The following PXDNL variants were observed in gnomAD, a reference collection of about 807,000 sequenced individuals.
The protein encoded by PXDNL is probable oxidoreductase PXDNL.
In PXDNL, 145 loss-of-function variants were observed where a neutral mutation model predicts 150.8. That is an observed-to-expected ratio of 0.96 (90% CI 0.84 to 1.10). PXDNL has a LOEUF of 1.10. PXDNL is among the 50% of genes least tolerant of loss of function. The pLI is 0.00. For synonymous variants in PXDNL, 757 were observed against 725.7 expected, an observed-to-expected ratio of 1.04 and a Z score of -0.69; for missense variants, 2,087 against 1,873.9, an observed-to-expected ratio of 1.11 and a Z score of -2.10.
At chr8:51,599,152 C>A (rs1327182346) in intron 2 of PXDNL, among the ~76,000 whole-genome samples, 1 of 151,998 alleles carries the variant, frequency 6.6e-6, no homozygotes, top group African/African-American at 2.4e-5. Flanking sequence ...AGCTAGTGGT[C>A]TATCCATCTT....
chr8:51,408,290 G>C lies in PXDNL; in HGVS notation c.3334C>G (p.Arg1112Gly), dbSNP rs757140816. 1.2e-6 allele frequency: 2 copies of C among 1,613,906 alleles called. No homozygotes were observed. The highest frequency in any genetic ancestry group is 1.7e-5 in the Admixed American group (1 of 60,030). ...GGACTGAGAAGGTAGGAGGGTGCCC[G>C]CCATTTAGCAGCCACGCCAAACAGC... Reference protein sequence around the residue: ...RGLFGVAAKWRAPSYLLSPEL... With the variant: ...RGLFGVAAKWGAPSYLLSPEL... Residue 1112 changes from arginine to glycine, a missense_variant, in exon 17 of 23, where the codon CGG becomes GGG. Coordinates refer to ENST00000356297, the MANE Select transcript of PXDNL (RefSeq NM_144651.5).
rs554422135 is a variant in PXDNL, at chr8:51,404,895, C to T, written c.3557+3172G>A. On this transcript the variant is annotated intron_variant, in intron 17 of 22. Coordinates refer to ENST00000356297, the MANE Select transcript of PXDNL (RefSeq NM_144651.5). ...GGGGACGGTGATCGTCAGGGAGGCT[C>T]GGGCTGCACAGGAGCCCACGGCAAG... 7.9e-5 allele frequency among the ~76,000 whole-genome samples: 12 copies of T among 152,268 alleles called. No individual in the cohort carries two copies. In the South Asian group the frequency reaches 8.3e-4, roughly 11 times the overall value.
intron 17 of PXDNL, among the ~76,000 whole-genome samples, chr8:51,393,681 G>T (rs1033514751): frequency 6.6e-6 from 1 of 152,224 alleles, no homozygotes; most frequent in Non-Finnish European, 1.5e-5. Context: ...TATCAAGAGG[G>T]GAAGACCATT....
intron 5 of PXDNL, among the ~76,000 whole-genome samples, chr8:51,486,784 ATATATATATATTTTTTTTTTTTTTT>A (rs1272657090): frequency 1.3e-4 from 3 of 22,858 alleles, no homozygotes; most frequent in African/African-American, 5.4e-4. Flanking sequence ...ATATATATAT[ATATATATATATTTTTTTTTTTTTTT>A]TTTTTTTTTT....
At position 51,393,352 on chromosome 8, in the gene PXDNL, A is replaced by G. The variant is rs1303571168; in HGVS notation, c.3557+14715T>C. ...TGATGAGACACATACAATGATCGTC[A>G]TATTCGGGATGAGAAGTATGAGACT... On this transcript the variant is annotated intron_variant, in intron 17 of 22. Coordinates refer to ENST00000356297, the MANE Select transcript of PXDNL (RefSeq NM_144651.5). 3.3e-5 allele frequency among the ~76,000 whole-genome samples: 5 copies of G among 152,322 alleles called. No individual in the cohort carries two copies. In the East Asian group the frequency reaches 9.7e-4, roughly 29 times the overall value.
At chr8:51,631,216 T>C (rs1313642287) in intron 2 of PXDNL, among the ~76,000 whole-genome samples, 1 of 151,892 alleles carries the variant, frequency 6.6e-6, no homozygotes, top group African/African-American at 2.4e-5. Context: ...TACTTATAAG[T>C]GGAAGCTAAA....
intron 4 of PXDNL, among the ~76,000 whole-genome samples, chr8:51,527,419 C>G (rs1168063546): frequency 4.6e-5 from 7 of 152,162 alleles, no homozygotes; most frequent in Admixed American, 4.6e-4. Flanking sequence ...TAAATATTCA[C>G]TCCTCATTGT....
At chr8:51,446,934 G>A in intron 12 of PXDNL, 70 bp downstream of exon 12, 2 of 1,357,588 alleles carry the variant, frequency 1.5e-6, no homozygotes, top group Non-Finnish European at 2.1e-6. Context: ...TAAGATCCCT[G>A]TCAGGTGTGT....
intron 20 of PXDNL, among the ~76,000 whole-genome samples, chr8:51,340,712 A>C (rs909709648): frequency 2.6e-5 from 4 of 152,254 alleles, no homozygotes; most frequent in African/African-American, 9.6e-5. Context: ...AAAAGTTACC[A>C]ACAGCAGTAG....
At chr8:51,357,509 G>C (rs1322945103) in intron 19 of PXDNL, among the ~76,000 whole-genome samples, 5 of 152,206 alleles carry the variant, frequency 3.3e-5, no homozygotes, top group East Asian at 1.9e-4. Context: ...ATCTGATGTG[G>C]CTTCTTCAGA....
intron 12 of PXDNL, chr8:51,435,885 A>G: frequency 2.1e-6 from 1 of 468,978 alleles, no homozygotes; most frequent in South Asian, 1.7e-5. Context: ...AGATACTAAA[A>G]TGGATCGTAA....
At chr8:51,681,473 A>G (rs970504001) in intron 1 of PXDNL, among the ~76,000 whole-genome samples, 1 of 152,162 alleles carries the variant, frequency 6.6e-6, no homozygotes, top group Admixed American at 6.5e-5. Context: ...TCCCTAGAGG[A>G]GTCTACATGC....
chr8:51,587,960 G>GA (rs778427538), intron 3 of PXDNL, among the ~76,000 whole-genome samples: 3 of 152,074 alleles, frequency 2.0e-5, no homozygotes, highest in Non-Finnish European at 4.4e-5. Context: ...AAATAGATGA[G>GA]AAAAAATAAA....
intron 5 of PXDNL, among the ~76,000 whole-genome samples, chr8:51,490,725 CTA>C (rs1351785498): frequency 1.7e-5 from 1 of 57,694 alleles, no homozygotes; most frequent in East Asian, 3.4e-4. Flanking sequence ...AATTGACTTT[CTA>C]GTGTGTGTGT....
intron 1 of PXDNL, among the ~76,000 whole-genome samples, chr8:51,755,948 C>T (rs1035314995): frequency 2.0e-5 from 3 of 152,094 alleles, no homozygotes; most frequent in African/African-American, 7.2e-5. Context: ...AAAGTAATTG[C>T]GGTTTTTGCT....
chr8:51,455,094 C>A (rs575358353), intron 9 of PXDNL, among the ~76,000 whole-genome samples: 1 of 76,226 alleles, frequency 1.3e-5, no homozygotes, highest in East Asian at 4.7e-4. Context: ...CCGGCCTGGG[C>A]GACAGAGCGA....
chr8:51,773,897 T>C (rs1294760303), intron 1 of PXDNL, among the ~76,000 whole-genome samples: 1 of 152,214 alleles, frequency 6.6e-6, no homozygotes, highest in East Asian at 1.9e-4. Flanking sequence ...TTGTAGCCTT[T>C]CTTTCTTTCA....
chr8:51,443,419 T>C (rs1048477713), intron 12 of PXDNL, among the ~76,000 whole-genome samples: 6 of 152,046 alleles, frequency 3.9e-5, no homozygotes, highest in African/African-American at 7.2e-5. Context: ...GAGCTAGAAA[T>C]TGGGCAAAGA....
intron 3 of PXDNL, among the ~76,000 whole-genome samples, chr8:51,579,406 T>C (rs1056950261): frequency 3.9e-5 from 6 of 152,138 alleles, no homozygotes; most frequent in Admixed American, 3.9e-4. Context: ...GATATTCCTA[T>C]ACACATATCT....
Sources: allele counts gnomAD v4.1 joint callset (sites outside exome capture counted in the v4.1 genomes callset), GRCh38; gene constraint gnomAD v4.1.1; transcripts MANE v1.5; gene names NCBI Gene and HGNC (gene_info 2026-07-23, HGNC 2026-07-21).